The following ZNF780B variants were observed in gnomAD, a reference collection of about 807,000 sequenced individuals.
ZNF780B encodes zinc finger protein 780B, also known as zinc finger protein 779.
In ZNF780B, 52 loss-of-function variants were observed where a neutral mutation model predicts 74.1. The ratio of observed to expected loss-of-function variants is 0.70; its 90% CI spans 0.56 to 0.88. The LOEUF (loss-of-function observed/expected upper bound fraction) is 0.88, where lower values mean the gene tolerates loss of function less well. ZNF780B is among the 40% of genes least tolerant of loss of function. ZNF780B has a pLI of 0.00. For synonymous variants in ZNF780B, 315 were observed against 324.3 expected, an observed-to-expected ratio of 0.97 and a Z score of 0.31; for missense variants, 953 against 1,007.6, an observed-to-expected ratio of 0.95 and a Z score of 0.73.
chr19:40,034,094 A>T lies in ZNF780B; in HGVS notation c.*263T>A, dbSNP rs1474729578. Reference sequence around the variant, plus strand: ...CTAAAGGCCTTTTCACATTCCTTACATTCATAGGGTTTCTCATCAGTATGA... The same window carrying T: ...CTAAAGGCCTTTTCACATTCCTTACTTTCATAGGGTTTCTCATCAGTATGA... On this transcript the variant is annotated 3_prime_UTR_variant, in exon 5 of 5. Coordinates refer to ENST00000434248, the MANE Select transcript of ZNF780B (RefSeq NM_001005851.3). 4 of 537,526 alleles carry T rather than the reference A, an allele frequency of 7.4e-6. No individual in the cohort carries two copies. The South Asian group carries it at 8.8e-5, about 12-fold the overall frequency. 33.3% of individuals were successfully genotyped at this position (537,526 alleles called of 1,614,324 possible).
Position 40,034,824 on chromosome 19 carries a change from T to C in ZNF780B, c.2035A>G (p.Ser679Gly), listed in dbSNP as rs1222188697. The C allele has an allele frequency of 1.2e-6, 2 of 1,613,982 alleles. No homozygotes were observed. The highest frequency in any genetic ancestry group is 1.7e-6 in the Non-Finnish European group (2 of 1,179,998). The change falls in exon 5 of 5, where the codon AGT (serine) becomes GGT (glycine). Residue 679 changes from serine to glycine, a missense_variant. Transcript: ENST00000434248. ...YECKECGKGF[S>G]RVSNLIQHQK... ...TGCTGAATAAGGTTTGAAACACGAC[T>C]AAAGCCTTTCCCACACTCCTTACAT...
In ZNF780B at chr19:40,035,513, T is replaced by C. The variant is rs1233488129; in HGVS notation, c.1346A>G (p.Glu449Gly). 3 of 1,614,052 alleles carry C rather than the reference T, an allele frequency of 1.9e-6. 1 individual carries two copies. Among genetic ancestry groups the C allele is most frequent in the Non-Finnish European group, 1.7e-6 (2 of 1,180,008 alleles). Residue 449 changes from glutamate to glycine, a missense_variant, in exon 5 of 5, where the codon GAA becomes GGA. Physicochemically the swap from Glu to Gly is moderately conservative, Grantham distance 98 (BLOSUM62 -2). Transcript: ENST00000434248. ...ATGATATCGAAAGGCCATCTCACAT[T>C]CCCTACATACAAAGGGTTTCTCATT... The part of the protein sequence containing the change: ...HSNEKPFVCR[E>G]CEMAFRYHYQ...
At chr19:40,047,299 G>A in intron 4 of ZNF780B, 76 bp downstream of exon 4, 1 of 1,277,160 alleles carries the variant, frequency 7.8e-7, no homozygotes, top group Middle Eastern at 2.2e-4. Flanking sequence ...ACATCTCAGG[G>A]GTGTGACTCC....
In ZNF780B at chr19:40,034,111, T is replaced by A. The variant is rs1036696456; in HGVS notation, c.*246A>T. The A allele has an allele frequency of 3.3e-5, 18 of 538,804 alleles. No homozygotes were observed. The East Asian group carries it at 5.3e-4, about 16-fold the overall frequency. 33.4% of individuals were successfully genotyped at this position (538,804 alleles called of 1,614,324 possible). A position where few individuals can be genotyped will look rare whatever the true frequency, so the allele number is the denominator to read the frequency against. On this transcript the variant is annotated 3_prime_UTR_variant, in exon 5 of 5. Transcript: ENST00000434248. ...TTCCTTACATTCATAGGGTTTCTCA[T>A]CAGTATGAATTTTAACATGTTTAAC...
At position 40,035,466 on chromosome 19, in the gene ZNF780B, G is replaced by C; in HGVS notation, c.1393C>G (p.Gln465Glu). ...RYHYQLIQHCQIHTGGKPFEC... is the reference protein window; with the variant it reads ...RYHYQLIQHCEIHTGGKPFEC... ...AAGGGTTTCCCACCAGTATGAATTT[G>C]GCAATGTTGAATAAGTTGGTAATGA... Residue 465 changes from glutamine (Q) to glutamate (E), a missense_variant, in exon 5 of 5, where the codon CAA becomes GAA. Transcript: ENST00000434248. 1 of 1,614,048 alleles carries C rather than the reference G, an allele frequency of 6.2e-7. No individual in the cohort carries two copies. The highest frequency in any genetic ancestry group is 8.5e-7 in the Non-Finnish European group (1 of 1,180,002).
intron 4 of ZNF780B, among the ~76,000 whole-genome samples, chr19:40,037,897 T>C (rs1334764360): frequency 1.3e-5 from 2 of 149,418 alleles, no homozygotes; most frequent in Non-Finnish European, 3.0e-5. Flanking sequence ...TTTCTGTTTA[T>C]ATATATATAT....
chr19:40,042,547 C>T (rs1025604900), intron 4 of ZNF780B, among the ~76,000 whole-genome samples: 17 of 152,200 alleles, frequency 1.1e-4, no homozygotes, highest in African/African-American at 3.4e-4. Context: ...ACCAATGAGA[C>T]GTAGATTTGG....
rs374633501 is a variant in ZNF780B, at chr19:40,035,178, C to T, written c.1681G>A (p.Glu561Lys). The T allele has an allele frequency of 6.2e-7, 1 of 1,614,154 alleles. No individual in the cohort carries two copies. Among genetic ancestry groups the T allele is most frequent in the Non-Finnish European group, 8.5e-7 (1 of 1,180,036 alleles). ...HTGEKPFECK[E>K]CGKFFRRGSN... ...CCACGACGAAAGAATTTCCCACATTCCTTACATTCAAAGGGTTTCTCACCT... is the reference window on the plus strand; with the variant it reads ...CCACGACGAAAGAATTTCCCACATTTCTTACATTCAAAGGGTTTCTCACCT... Residue 561 changes from glutamate (E) to lysine (K), a missense_variant, in exon 5 of 5, where the codon GAA (glutamate) becomes AAA (lysine). Transcript: ENST00000434248.
rs778410450 is a variant in ZNF780B at position 40,029,165 on chromosome 19, G to A, written c.*5192C>T. ...GCAGAAGACTCATTGAAATGGAATGGTATTCTGGAAATTAAGACACACAGG... is the reference window on the plus strand; with the variant it reads ...GCAGAAGACTCATTGAAATGGAATGATATTCTGGAAATTAAGACACACAGG... On this transcript the variant is annotated 3_prime_UTR_variant, in exon 5 of 5. Coordinates refer to ENST00000434248, the MANE Select transcript of ZNF780B (RefSeq NM_001005851.3). The A allele has an allele frequency of 6.6e-6, 1 of 152,146 alleles. No homozygotes were observed. The highest frequency in any genetic ancestry group is 1.5e-5 in the Non-Finnish European group (1 of 68,036). The allele number at this position is 152,146 out of a possible 1,614,324, so 9.4% of individuals were successfully genotyped here. A position where few individuals can be genotyped will look rare whatever the true frequency, so the allele number is the denominator to read the frequency against.
In ZNF780B at chr19:40,036,010, C is replaced by T. The variant is rs1972283135; in HGVS notation, c.849G>A (p.Gly283=). ...GATTTGAACCACGATTAAAGGCTTTCCCACACTCCTTACATTGATATGGTT... is the reference window on the plus strand; with the variant it reads ...GATTTGAACCACGATTAAAGGCTTTTCCACACTCCTTACATTGATATGGTT... The part of the protein sequence containing the change: ...GVKPYQCKEC[G]KAFNRGSNLI... The change falls in exon 5 of 5, where the codon GGG becomes GGA. Residue 283 remains glycine, a synonymous_variant. Coordinates refer to ENST00000434248, the MANE Select transcript of ZNF780B (RefSeq NM_001005851.3). 6.2e-7 allele frequency: 1 copy of T among 1,614,082 alleles called. No homozygotes were observed. Among genetic ancestry groups the T allele is most frequent in the Non-Finnish European group, 8.5e-7 (1 of 1,180,018 alleles).
rs1363177303 is a variant in ZNF780B at position 40,038,486 on chromosome 19, C to T, written c.233-1860G>A. 2.7e-5 allele frequency among the ~76,000 whole-genome samples: 4 copies of T among 150,242 alleles called. No homozygotes were observed. In the East Asian group the frequency reaches 7.8e-4, roughly 29 times the overall value. ...CTAGTTCTAGATCCCTGAGGAATCG[C>T]CACACTGCCTTCCACAATGGTTGAA... On this transcript the variant is annotated intron_variant, in intron 4 of 4. Transcript: ENST00000434248.
intron 1 of ZNF780B, among the ~76,000 whole-genome samples, chr19:40,055,023 G>T (rs1310107868): frequency 6.6e-6 from 1 of 152,230 alleles, no homozygotes; most frequent in Non-Finnish European, 1.5e-5. Context: ...CAGACGAATG[G>T]AAATCACCCA....
Position 40,035,490 on chromosome 19 carries a change from G to T in ZNF780B, c.1369C>A (p.His457Asn). 6.2e-7 allele frequency: 1 copy of T among 1,614,116 alleles called. No homozygotes were observed. The highest frequency in any genetic ancestry group is 8.5e-7 in the Non-Finnish European group (1 of 1,180,014). ...CRECEMAFRY[H>N]YQLIQHCQIH... ...TGGCAATGTTGAATAAGTTGGTAAT[G>T]ATATCGAAAGGCCATCTCACATTCC... Residue 457 changes from histidine (H) to asparagine (N), a missense_variant, in exon 5 of 5, where the codon CAT (histidine) becomes AAT (asparagine). Coordinates refer to ENST00000434248, the MANE Select transcript of ZNF780B (RefSeq NM_001005851.3).
Position 40,035,673 on chromosome 19 carries a change from T to G in ZNF780B, c.1186A>C (p.Lys396Gln). The stretch of plus-strand genomic sequence containing the variant: ...AGGTTTGAACTACGATTAAAGGACT[T>G]CCCACATTCTTTACATTCAAATGGT... ...EKPFECKECG[K>Q]SFNRSSNLIQ... Residue 396 changes from lysine (K) to glutamine (Q), a missense_variant, in exon 5 of 5, where the codon AAG (lysine) becomes CAG (glutamine). Lys to Gln is a moderately conservative substitution (Grantham distance 53). Transcript: ENST00000434248. The G allele has an allele frequency of 6.2e-7, 1 of 1,614,086 alleles. No homozygotes were observed. Among genetic ancestry groups the G allele is most frequent in the African/African-American group, 1.3e-5 (1 of 75,020 alleles).
At chr19:40,041,148 T>C (rs1409820949) in intron 4 of ZNF780B, among the ~76,000 whole-genome samples, 1 of 152,238 alleles carries the variant, frequency 6.6e-6, no homozygotes, top group Non-Finnish European at 1.5e-5. Context: ...TATTTCTGCC[T>C]TCATTTCGTT....
At chr19:40,043,329 A>G (rs1399700087) in intron 4 of ZNF780B, among the ~76,000 whole-genome samples, 4 of 152,084 alleles carry the variant, frequency 2.6e-5, no homozygotes, top group African/African-American at 4.8e-5. Context: ...GTCTGCCCCT[A>G]CTGGGGGTTG....
intron 1 of ZNF780B, chr19:40,055,300 G>C (rs927226461): frequency 1.3e-5 from 2 of 152,096 alleles, no homozygotes; most frequent in Admixed American, 1.3e-4. Context: ...CGGCACAATG[G>C]GAGGGGGCAA....
Position 40,036,448 on chromosome 19 carries a change from T to A in ZNF780B, c.411A>T (p.Gly137=). The A allele has an allele frequency of 6.2e-7, 1 of 1,609,408 alleles. No individual in the cohort carries two copies. ...RFEGRQGHQE[G]YINQKIISYE... Reference sequence around the variant, plus strand: ...AGCTGATGATCTTCTGGTTGATATATCCTTCTTGATGTCCCTGTCGTCCCT... The same window carrying A: ...AGCTGATGATCTTCTGGTTGATATAACCTTCTTGATGTCCCTGTCGTCCCT... Residue 137 remains glycine (G), a synonymous_variant, in exon 5 of 5, where the codon GGA becomes GGT. Transcript: ENST00000434248.
At chr19:40,052,098 C>G (rs936089914) in intron 1 of ZNF780B, among the ~76,000 whole-genome samples, 1 of 152,138 alleles carries the variant, frequency 6.6e-6, no homozygotes, top group Non-Finnish European at 1.5e-5. Context: ...TTCCATATTA[C>G]AGGACACTTG....
Sources: allele counts gnomAD v4.1 joint callset (sites outside exome capture counted in the v4.1 genomes callset), GRCh38; gene constraint gnomAD v4.1.1; transcripts MANE v1.5; gene names NCBI Gene and HGNC (gene_info 2026-07-23, HGNC 2026-07-21).